PLXDC2: variants seen among roughly 807,000 people sequenced by gnomAD.
PLXDC2 encodes plexin domain containing 2.
PLXDC2 carries 40 observed loss-of-function variants against 68.9 expected under a neutral mutation model. The observed-to-expected ratio is 0.58, with a 90% CI of 0.45 to 0.76. The LOEUF is 0.76. PLXDC2 is among the 30% of genes least tolerant of loss of function. The pLI is 0.00. For synonymous variants in PLXDC2, 243 were observed against 234.2 expected, an observed-to-expected ratio of 1.04 and a Z score of -0.34; for missense variants, 644 against 661.9, an observed-to-expected ratio of 0.97 and a Z score of 0.30.
intron 4 of PLXDC2, among the ~76,000 whole-genome samples, chr10:20,112,480 A>G (rs1274607576): frequency 6.6e-6 from 1 of 152,106 alleles, no homozygotes. Context: ...TTGAGCTCTG[A>G]CTCGATGTCC....
At chr10:20,183,144 T>C (rs1297067171) in intron 9 of PLXDC2, among the ~76,000 whole-genome samples, 1 of 151,820 alleles carries the variant, frequency 6.6e-6, no homozygotes, top group Non-Finnish European at 1.5e-5. Context: ...ACAAGATAAG[T>C]CTGAGATGCC....
At chr10:20,087,127 G>A (rs146426625) in intron 4 of PLXDC2, among the ~76,000 whole-genome samples, 28 of 152,306 alleles carry the variant, frequency 1.8e-4, no homozygotes, top group African/African-American at 5.3e-4. Context: ...ATTTCAGGTT[G>A]TTAGTTCAAA....
chr10:20,207,522 T>C (rs1162924179), intron 9 of PLXDC2, among the ~76,000 whole-genome samples: 1 of 152,192 alleles, frequency 6.6e-6, no homozygotes, highest in Non-Finnish European at 1.5e-5. Context: ...TTCCATTGAA[T>C]TACTTATGGT....
intron 4 of PLXDC2, among the ~76,000 whole-genome samples, chr10:20,105,028 C>T (rs1031960268): frequency 4.0e-5 from 5 of 124,454 alleles, no homozygotes; most frequent in Admixed American, 2.0e-4. Context: ...TCCAGCCTGG[C>T]GACAGAGCTA....
intron 1 of PLXDC2, among the ~76,000 whole-genome samples, chr10:19,849,168 A>T (rs1017143436): frequency 3.9e-5 from 6 of 152,196 alleles, no homozygotes; most frequent in Admixed American, 2.6e-4. Context: ...TTATTACAAA[A>T]GAAACAAGTT....
intron 1 of PLXDC2, among the ~76,000 whole-genome samples, chr10:19,894,973 C>T (rs1248622887): frequency 6.6e-6 from 1 of 152,168 alleles, no homozygotes; most frequent in Non-Finnish European, 1.5e-5. Flanking sequence ...AAGACACATG[C>T]ACACATATGT....
At chr10:20,255,097 C>G (rs1251182343) in intron 13 of PLXDC2, among the ~76,000 whole-genome samples, 3 of 151,790 alleles carry the variant, frequency 2.0e-5, no homozygotes, top group Non-Finnish European at 4.4e-5. Flanking sequence ...GCTGTAATTT[C>G]TTTTTACTAA....
Position 20,280,024 on chromosome 10 carries a change from A to T in PLXDC2, c.*205A>T, listed in dbSNP as rs890382291. 1 of 528,820 alleles carries T rather than the reference A, an allele frequency of 1.9e-6. No individual in the cohort carries two copies. The highest frequency in any genetic ancestry group is 1.9e-5 in the African/African-American group (1 of 52,264). The allele number at this position is 528,820 out of a possible 1,614,324, so 32.8% of individuals were successfully genotyped here. ...AAAACTTATACAAGATACCATTTACACTGAACATAGAATTCCCTAGTGGAA... is the reference window on the plus strand; with the variant it reads ...AAAACTTATACAAGATACCATTTACTCTGAACATAGAATTCCCTAGTGGAA... On this transcript the variant is annotated 3_prime_UTR_variant, in exon 14 of 14. Coordinates refer to ENST00000377252, the MANE Select transcript of PLXDC2 (RefSeq NM_032812.9).
chr10:19,987,393 G>A (rs1177443301), intron 1 of PLXDC2, among the ~76,000 whole-genome samples: 1 of 151,848 alleles, frequency 6.6e-6, no homozygotes, highest in Non-Finnish European at 1.5e-5. Flanking sequence ...GCATCCCGCC[G>A]TCCCAGAACA....
At chr10:19,968,209 C>T (rs1193158827) in intron 1 of PLXDC2, among the ~76,000 whole-genome samples, 2 of 152,144 alleles carry the variant, frequency 1.3e-5, no homozygotes, top group Admixed American at 6.5e-5. Context: ...AGACAGTGAA[C>T]CCTGTTCAAA....
intron 2 of PLXDC2, among the ~76,000 whole-genome samples, chr10:20,029,837 C>T (rs1017457295): frequency 1.3e-5 from 2 of 152,230 alleles, no homozygotes; most frequent in African/African-American, 2.4e-5. Context: ...TAATAACTCA[C>T]GAAAGGATTG....
intron 2 of PLXDC2, among the ~76,000 whole-genome samples, chr10:20,036,613 C>G (rs970764125): frequency 5.9e-5 from 9 of 152,034 alleles, no homozygotes; most frequent in Admixed American, 3.3e-4. Flanking sequence ...TTTTAAGGCC[C>G]TCCATACCAT....
chr10:20,068,067 G>C, intron 3 of PLXDC2, 103 bp from the exon 4 acceptor site: 2 of 919,598 alleles, frequency 2.2e-6, no homozygotes, highest in Non-Finnish European at 3.3e-6. Context: ...ATAATTATGG[G>C]GTAAAGTAGA....
intron 13 of PLXDC2, among the ~76,000 whole-genome samples, chr10:20,258,002 T>C (rs1275416609): frequency 8.5e-4 from 118 of 138,910 alleles, no homozygotes; most frequent in African/African-American, 3.0e-3. Context: ...TCTTTCTTTT[T>C]TTTTTTTTTT....
At chr10:19,983,931 C>T (rs1834594765) in intron 1 of PLXDC2, among the ~76,000 whole-genome samples, 1 of 152,118 alleles carries the variant, frequency 6.6e-6, no homozygotes, top group African/African-American at 2.4e-5. Context: ...GCTCATCACT[C>T]CAATAATTAA....
intron 6 of PLXDC2, among the ~76,000 whole-genome samples, chr10:20,163,343 C>T (rs1011283619): frequency 1.3e-5 from 2 of 152,008 alleles, no homozygotes; most frequent in Non-Finnish European, 2.9e-5. Flanking sequence ...ACAAAATAGC[C>T]CTTTCACAGT....
rs1363617741 is a variant in PLXDC2, at chr10:19,855,931, T to C, written c.112+38740T>C. Among the ~76,000 whole-genome samples the C allele has an allele frequency of 3.3e-5, 5 of 152,058 alleles. 1 individual carries two copies. The East Asian group carries it at 7.8e-4, about 24-fold the overall frequency. ...AAATCCCATCTGTACTAAAAAAATA[T>C]ACATATATAAAAAATTAGCCAGGCC... On this transcript the variant is annotated intron_variant, in intron 1 of 13. Transcript: ENST00000377252.
intron 9 of PLXDC2, among the ~76,000 whole-genome samples, chr10:20,206,711 CAGTT>C (rs1288950637): frequency 2.0e-5 from 3 of 152,156 alleles, no homozygotes; most frequent in Admixed American, 6.6e-5. Flanking sequence ...GAATCTTACT[CAGTT>C]AGACCTATGA....
chr10:20,248,448 T>C (rs1020404702), intron 13 of PLXDC2, among the ~76,000 whole-genome samples: 3 of 152,216 alleles, frequency 2.0e-5, no homozygotes, highest in Admixed American at 6.5e-5. Context: ...GAATGACTTA[T>C]CCAAGGTCAA....
Sources: allele counts gnomAD v4.1 joint callset (sites outside exome capture counted in the v4.1 genomes callset), GRCh38; gene constraint gnomAD v4.1.1; transcripts MANE v1.5; gene names NCBI Gene and HGNC (gene_info 2026-07-23, HGNC 2026-07-21).